Variants in WWOX observed in about 807,000 individuals in gnomAD.
The protein encoded by WWOX is WW domain containing oxidoreductase, also known as WW domain-containing oxidoreductase.
Under a neutral mutation model 46.2 loss-of-function variants are expected in WWOX, and 69 were observed. The ratio of observed to expected loss-of-function variants is 1.49; its 90% confidence interval spans 1.23 to 1.82. The LOEUF (loss-of-function observed/expected upper bound fraction) is 1.82, where lower values mean the gene tolerates loss of function less well. Ranked by LOEUF, WWOX falls within the 40% of genes most tolerant of loss-of-function variation. WWOX has a pLI of 0.00. For missense variants in WWOX, 919 were observed against 542.6 expected (o/e 1.69, Z -6.89); for synonymous variants, 359 against 202.6 (o/e 1.77, Z -6.56).
At chr16:78,502,180 A>G (rs2085086913) in intron 8 of WWOX, among the ~76,000 whole-genome samples, 1 of 152,136 alleles carries the variant, frequency 6.6e-6, no homozygotes, top group African/African-American at 2.4e-5. Flanking sequence ...TTTCTTTAAT[A>G]GTTTTATTGA....
intron 8 of WWOX, among the ~76,000 whole-genome samples, chr16:78,558,499 C>T (rs2044359071): frequency 6.6e-6 from 1 of 152,262 alleles, no homozygotes; most frequent in South Asian, 2.1e-4. Context: ...TGAGCAGCGG[C>T]TGCCCCTCTT....
chr16:78,360,102 C>T (rs1384646909), intron 5 of WWOX, among the ~76,000 whole-genome samples: 2 of 152,116 alleles, frequency 1.3e-5, no homozygotes, highest in Admixed American at 6.5e-5. Flanking sequence ...AAAAGAAAAA[C>T]ACATTAAAAA....
intron 8 of WWOX, among the ~76,000 whole-genome samples, chr16:78,946,319 A>T (rs1385699205): frequency 6.6e-6 from 1 of 152,006 alleles, no homozygotes; most frequent in Non-Finnish European, 1.5e-5. Context: ...TCTCCCAAGT[A>T]GCTGGGATTA....
At chr16:79,055,446 T>C (rs1472441845) in intron 8 of WWOX, among the ~76,000 whole-genome samples, 2 of 152,084 alleles carry the variant, frequency 1.3e-5, no homozygotes, top group Non-Finnish European at 2.9e-5. Context: ...GAGACTGCCA[T>C]GTTGAAGGAA....
chr16:78,575,281 T>C (rs903170991), intron 8 of WWOX, among the ~76,000 whole-genome samples: 4 of 149,574 alleles, frequency 2.7e-5, no homozygotes, highest in African/African-American at 7.4e-5. Flanking sequence ...TTTTTCAAAG[T>C]TGTTAAGACT....
chr16:79,145,359 G>T (rs922733413), intron 8 of WWOX, among the ~76,000 whole-genome samples: 8 of 152,174 alleles, frequency 5.3e-5, no homozygotes, highest in African/African-American at 1.9e-4. Flanking sequence ...TAGAGTCAAG[G>T]ATTTTTTTGT....
At chr16:78,431,864 G>A (rs1446719386) in intron 7 of WWOX, among the ~76,000 whole-genome samples, 3 of 152,026 alleles carry the variant, frequency 2.0e-5, no homozygotes, top group Admixed American at 6.6e-5. Context: ...CCACAGGCAT[G>A]TGCCAAAATA....
intron 8 of WWOX, among the ~76,000 whole-genome samples, chr16:79,182,611 G>A (rs1000945820): frequency 2.0e-5 from 3 of 152,250 alleles, no homozygotes; most frequent in Non-Finnish European, 4.4e-5. Flanking sequence ...TAAAAGCCAA[G>A]ATTCTGGAGT....
chr16:79,089,735 A>C (rs888731618), intron 8 of WWOX, among the ~76,000 whole-genome samples: 2 of 152,182 alleles, frequency 1.3e-5, no homozygotes, highest in Non-Finnish European at 2.9e-5. Flanking sequence ...TAAACAGATT[A>C]CCATATTAGT....
intron 8 of WWOX, among the ~76,000 whole-genome samples, chr16:78,933,558 A>G (rs7203952): frequency 0.027 from 4,150 of 152,336 alleles, 166 homozygotes; most frequent in African/African-American, 0.092. Context: ...CCTTTAAGAC[A>G]TGAATTAGCC....
At chr16:78,989,480 C>G (rs960272066) in intron 8 of WWOX, among the ~76,000 whole-genome samples, 1 of 152,162 alleles carries the variant, frequency 6.6e-6, no homozygotes, top group Non-Finnish European at 1.5e-5. Context: ...GGATCCCTGT[C>G]CATAGCGCCC....
At chr16:78,905,904 C>G (rs1423302278) in intron 8 of WWOX, among the ~76,000 whole-genome samples, 2 of 152,212 alleles carry the variant, frequency 1.3e-5, no homozygotes, top group African/African-American at 4.8e-5. Flanking sequence ...GAGCACCCAG[C>G]CATCCTTGGC....
In WWOX at chr16:78,740,857, G is replaced by A. The variant is rs556708726; in HGVS notation, c.1056+308105G>A. 2.6e-5 allele frequency among the ~76,000 whole-genome samples: 4 copies of A among 152,200 alleles called. No homozygotes were observed. The East Asian group carries it at 5.8e-4, about 22-fold the overall frequency. Reference sequence around the variant, plus strand: ...CCTCTTATAACTCCTATGATAAAAAGAGTTGCCATTATCATCCTTTGTCTA... The same window carrying A: ...CCTCTTATAACTCCTATGATAAAAAAAGTTGCCATTATCATCCTTTGTCTA... On this transcript the variant is annotated intron_variant, in intron 8 of 8. Transcript: ENST00000566780.
intron 8 of WWOX, chr16:78,691,420 G>T (rs1329073179): frequency 3.0e-5 from 19 of 630,566 alleles, no homozygotes; most frequent in Non-Finnish European, 2.8e-6. Context: ...CATCTGGCTG[G>T]GCATGGTGGT....
chr16:79,186,289 C>T (rs1164844044), intron 8 of WWOX, among the ~76,000 whole-genome samples: 1 of 152,330 alleles, frequency 6.6e-6, no homozygotes, highest in Admixed American at 6.5e-5. Flanking sequence ...TATTATCTCA[C>T]AGTCCTAGAA....
At chr16:78,564,233 G>A (rs2044509256) in intron 8 of WWOX, among the ~76,000 whole-genome samples, 2 of 152,344 alleles carry the variant, frequency 1.3e-5, no homozygotes, top group Middle Eastern at 3.4e-3. Flanking sequence ...TCATTGCACA[G>A]CAAAATTGAA....
chr16:78,810,944 G>C (rs1229336956), intron 8 of WWOX, among the ~76,000 whole-genome samples: 1 of 145,786 alleles, frequency 6.9e-6, no homozygotes, highest in African/African-American at 2.5e-5. Flanking sequence ...TGCAGGCAGA[G>C]CTGGGGATTC....
At chr16:78,593,438 T>C (rs937970112) in intron 8 of WWOX, among the ~76,000 whole-genome samples, 2 of 152,230 alleles carry the variant, frequency 1.3e-5, no homozygotes, top group African/African-American at 4.8e-5. Context: ...GCCATGCACC[T>C]GTCTTCCTCT....
At position 78,849,164 on chromosome 16, in the gene WWOX, G is replaced by A. The variant is rs77968638; in HGVS notation, c.1057-362444G>A. Among the ~76,000 whole-genome samples the A allele has an allele frequency of 7.3e-3, 1,116 of 152,232 alleles. 9 individuals are homozygous for A. The highest frequency in any genetic ancestry group is 0.022 in the East Asian group (112 of 5,168). On this transcript the variant is annotated intron_variant, in intron 8 of 8. Transcript: ENST00000566780. ...GTGTACCCCTCCTAGTTTGGCCACT[G>A]TTCTGCCCAAACATACAAGAGTCAA...
Sources: allele counts gnomAD v4.1 joint callset (sites outside exome capture counted in the v4.1 genomes callset), GRCh38; gene constraint gnomAD v4.1.1; transcripts MANE v1.5; gene names NCBI Gene and HGNC (gene_info 2026-07-23, HGNC 2026-07-21).